The following DDX60L variants were observed in gnomAD, a reference collection of about 807,000 sequenced individuals.
The protein encoded by DDX60L is DExD/H-box 60 like, also known as probable ATP-dependent RNA helicase DDX60-like.
Under a neutral mutation model 211.6 loss-of-function variants are expected in DDX60L, and 191 were observed. That is an observed-to-expected ratio of 0.90 (90% CI 0.80 to 1.02). The LOEUF (loss-of-function observed/expected upper bound fraction) is 1.02. Ranked by LOEUF, DDX60L falls within the 50% of genes least tolerant of loss-of-function variation. The probability of loss-of-function intolerance (pLI) is 0.00; values close to 1 mark genes in which losing one functional copy is unlikely to be tolerated. For missense variants in DDX60L, 2,007 were observed against 1,984.1 expected (o/e 1.01, Z -0.22); for synonymous variants, 706 against 694.1 (o/e 1.02, Z -0.27).
intron 32 of DDX60L, 72 bp from the exon 33 acceptor site, chr4:168,378,547 T>C (rs1742365868): frequency 8.0e-7 from 1 of 1,249,974 alleles, no homozygotes; most frequent in Non-Finnish European, 1.1e-6. Flanking sequence ...TAAATTTGTT[T>C]TTATAGTACA....
chr4:168,403,503 T>C (rs1242028387), intron 25 of DDX60L, among the ~76,000 whole-genome samples: 1 of 152,238 alleles, frequency 6.6e-6, no homozygotes, highest in Non-Finnish European at 1.5e-5. Context: ...TCGGTTCTCC[T>C]AATCAAAGAG....
intron 1 of DDX60L, among the ~76,000 whole-genome samples, chr4:168,479,261 G>T (rs1442039844): frequency 6.6e-6 from 1 of 152,178 alleles, no homozygotes; most frequent in Non-Finnish European, 1.5e-5. Flanking sequence ...GATAGAAGGC[G>T]AAGAGCCTTG....
At chr4:168,400,648 A>G (rs1225567495) in intron 26 of DDX60L, among the ~76,000 whole-genome samples, 178 bp downstream of exon 26, 4 of 152,054 alleles carry the variant, frequency 2.6e-5, no homozygotes, top group Non-Finnish European at 5.9e-5. Flanking sequence ...ATCCATCTAC[A>G]TGTATAAGAG....
chr4:168,377,980 T>C (rs1742274630), intron 33 of DDX60L: 1 of 156,066 alleles, frequency 6.4e-6, no homozygotes, highest in Admixed American at 6.5e-5. Context: ...AAGAGGACAT[T>C]AGAGGTCATA....
intron 9 of DDX60L, 70 bp from the exon 10 acceptor site, chr4:168,441,562 T>C (rs1037350191): frequency 6.4e-6 from 8 of 1,258,758 alleles, no homozygotes; most frequent in Non-Finnish European, 5.5e-6. Flanking sequence ...AGCATCTTTT[T>C]TGAATAAATT....
intron 29 of DDX60L, among the ~76,000 whole-genome samples, chr4:168,385,816 G>C (rs566050470): frequency 1.3e-5 from 2 of 152,122 alleles, no homozygotes; most frequent in African/African-American, 2.4e-5. Context: ...TCATTAACAG[G>C]TATTCCCTAT....
At position 168,373,669 on chromosome 4, in the gene DDX60L, G is replaced by T. The variant is rs556301029; in HGVS notation, c.4773C>A (p.Asn1591Lys). ...DNDLLRPETINQVILRTVGVS... is the reference protein window; with the variant it reads ...DNDLLRPETIKQVILRTVGVS... ...ATAAGATGTATCCTTCACTTACCTG[G>T]TTGATAGTCTCTGGTCGAAGCAAAT... The change falls in exon 35 of 38, where the codon AAC (asparagine) becomes AAA (lysine). Residue 1591 changes from asparagine to lysine, a missense_variant. Coordinates refer to ENST00000682922, the MANE Select transcript of DDX60L (RefSeq NM_001012967.3). The T allele has an allele frequency of 6.2e-7, 1 of 1,613,268 alleles. No individual in the cohort carries two copies. Among genetic ancestry groups the T allele is most frequent in the African/African-American group, 1.3e-5 (1 of 74,998 alleles).
intron 9 of DDX60L, among the ~76,000 whole-genome samples, chr4:168,448,278 T>C (rs1450760708): frequency 6.6e-6 from 1 of 152,162 alleles, no homozygotes; most frequent in Non-Finnish European, 1.5e-5. Flanking sequence ...AGGCAAAAAT[T>C]ATGTATGTAC....
chr4:168,371,490 T>G (rs1331267885), intron 36 of DDX60L, 122 bp downstream of exon 36: 1 of 341,128 alleles, frequency 2.9e-6, no homozygotes, highest in African/African-American at 2.2e-5. Context: ...AATATAAATT[T>G]ATGTTTATAT....
intron 15 of DDX60L, 147 bp downstream of exon 15, chr4:168,423,461 C>A: frequency 1.8e-6 from 1 of 554,476 alleles, no homozygotes; most frequent in Non-Finnish European, 2.9e-6. Context: ...TAAGTAATCT[C>A]ATATCTATTA....
At chr4:168,384,469 ACAGCAAGACCCT>A in intron 30 of DDX60L, 131 bp downstream of exon 30, 4 of 1,047,484 alleles carry the variant, frequency 3.8e-6, no homozygotes, top group Non-Finnish European at 5.6e-6. Context: ...CCTAGATGAC[ACAGCAAGACCCT>A]GTCTCCAAAA....
At chr4:168,413,271 A>C (rs1748998676) in intron 22 of DDX60L, among the ~76,000 whole-genome samples, 1 of 152,178 alleles carries the variant, frequency 6.6e-6, no homozygotes, top group Admixed American at 6.5e-5. Flanking sequence ...TGTTTTGAGG[A>C]AACTCAAAAA....
intron 5 of DDX60L, among the ~76,000 whole-genome samples, chr4:168,460,433 T>C (rs999031187): frequency 6.6e-6 from 1 of 152,184 alleles, no homozygotes. Flanking sequence ...ATCATTTCAC[T>C]GCCTATATGC....
chr4:168,452,638 C>A (rs1579753815), intron 8 of DDX60L, among the ~76,000 whole-genome samples: 1 of 151,674 alleles, frequency 6.6e-6, no homozygotes, highest in Non-Finnish European at 1.5e-5. Context: ...TAGCATATAT[C>A]GTATGATTGC....
chr4:168,358,613 A>G (rs1738564559), intron 37 of DDX60L, among the ~76,000 whole-genome samples: 1 of 145,808 alleles, frequency 6.9e-6, no homozygotes, highest in Non-Finnish European at 1.5e-5. Flanking sequence ...GCTCACTGCA[A>G]CCTCTGCCTC....
intron 36 of DDX60L, among the ~76,000 whole-genome samples, chr4:168,366,319 T>C (rs749917934): frequency 2.0e-5 from 3 of 152,080 alleles, no homozygotes; most frequent in Non-Finnish European, 4.4e-5. Context: ...CACACAAAAA[T>C]CAGTAGTGTT....
intron 8 of DDX60L, among the ~76,000 whole-genome samples, chr4:168,449,676 A>AAAAAAAAAAAAT: frequency 6.8e-6 from 1 of 147,128 alleles, no homozygotes; most frequent in Non-Finnish European, 1.5e-5. Flanking sequence ...GAAAAAAGAA[A>AAAAAAAAAAAAT]AAAATTACTA....
intron 28 of DDX60L, among the ~76,000 whole-genome samples, chr4:168,394,093 G>A (rs1034722160): frequency 6.6e-6 from 1 of 151,938 alleles, no homozygotes; most frequent in Non-Finnish European, 1.5e-5. Flanking sequence ...TACACGGGAC[G>A]GCTAAAGTAG....
At chr4:168,446,667 T>C (rs1422025082) in intron 9 of DDX60L, among the ~76,000 whole-genome samples, 1 of 151,204 alleles carries the variant, frequency 6.6e-6, no homozygotes, top group African/African-American at 2.4e-5. Context: ...AGCATGGTAC[T>C]GGTACCAAAA....
Sources: allele counts gnomAD v4.1 joint callset (sites outside exome capture counted in the v4.1 genomes callset), GRCh38; gene constraint gnomAD v4.1.1; transcripts MANE v1.5; gene names NCBI Gene and HGNC (gene_info 2026-07-23, HGNC 2026-07-21).